Variants in COL4A2 observed in about 807,000 individuals in gnomAD.
The protein encoded by COL4A2 is collagen type IV alpha 2 chain, also known as collagen alpha-2(IV) chain.
In COL4A2, 99 loss-of-function variants were observed where a neutral mutation model predicts 200.2. The ratio of observed to expected loss-of-function variants is 0.49; its 90% CI spans 0.42 to 0.58. The LOEUF is 0.58. Among genes scored for constraint, COL4A2 ranks in the 20% least tolerant of loss-of-function variants. The pLI is 0.00. For synonymous variants in COL4A2, 897 were observed against 900.6 expected (o/e 1.00, Z 0.07); for missense variants, 1,950 against 2,314.1 (o/e 0.84, Z 3.23).
At chr13:110,455,677 A>G (rs1273555592) in intron 20 of COL4A2, among the ~76,000 whole-genome samples, 1 of 152,228 alleles carries the variant, frequency 6.6e-6, no homozygotes, top group Non-Finnish European at 1.5e-5. Context: ...GAGCGAATGA[A>G]TGAATGAGCT....
chr13:110,462,230 T>C, intron 23 of COL4A2, 44 bp downstream of exon 23: 2 of 1,614,256 alleles, frequency 1.2e-6, no homozygotes, highest in Non-Finnish European at 1.7e-6. Context: ...CACTGAGCCT[T>C]CCTGTGGGCA....
At chr13:110,468,377 G>T (rs1169844150) in intron 27 of COL4A2, 3 of 468,110 alleles carry the variant, frequency 6.4e-6, no homozygotes, top group Non-Finnish European at 1.3e-5. Flanking sequence ...CCAAAATGGT[G>T]ACAACTCTGC....
intron 3 of COL4A2, among the ~76,000 whole-genome samples, chr13:110,330,735 C>T (rs1875869115): frequency 6.6e-6 from 1 of 152,022 alleles, no homozygotes; most frequent in African/African-American, 2.4e-5. Flanking sequence ...TGACTTGGGC[C>T]TTCTCCTTTA....
chr13:110,411,215 C>CA (rs1051321337), intron 4 of COL4A2, among the ~76,000 whole-genome samples: 1 of 152,202 alleles, frequency 6.6e-6, no homozygotes, highest in Non-Finnish European at 1.5e-5. Context: ...CCCTGGAACA[C>CA]AAAGCTCGTC....
intron 17 of COL4A2, among the ~76,000 whole-genome samples, chr13:110,446,264 G>T (rs1881318969): frequency 6.6e-6 from 1 of 152,214 alleles, no homozygotes; most frequent in Non-Finnish European, 1.5e-5. Flanking sequence ...TGGAAGACCA[G>T]GTGGGTGCTG....
In COL4A2 at chr13:110,456,861, C is replaced by T. The variant is rs189476385; in HGVS notation, c.1340-482C>T. On this transcript the variant is annotated intron_variant, in intron 20 of 47. Transcript: ENST00000360467. ...AGGCGTCCGTGGGGCTGATGCCCTG[C>T]GTCTGCGTGGGACCCCAGGCGTCCG... 2.5e-4 allele frequency: 115 copies of T among 468,958 alleles called. No individual in the cohort carries two copies. In the East Asian group the frequency reaches 7.3e-3, roughly 30 times the overall value. The allele number at this position is 468,958 out of a possible 1,614,324, so 29.0% of individuals were successfully genotyped here. A position where few individuals can be genotyped will look rare whatever the true frequency, so the allele number is the denominator to read the frequency against.
chr13:110,468,274 G>A (rs1347118566), intron 27 of COL4A2: 1 of 471,698 alleles, frequency 2.1e-6, no homozygotes, highest in Non-Finnish European at 4.4e-6. Context: ...GTTGTCTTCT[G>A]AGAACTGAGC....
chr13:110,381,049 C>T (rs1352289394), intron 4 of COL4A2, among the ~76,000 whole-genome samples: 3 of 147,866 alleles, frequency 2.0e-5, no homozygotes, highest in Non-Finnish European at 4.5e-5. Context: ...CACCTACGGG[C>T]TCTGTCTCAC....
intron 29 of COL4A2, among the ~76,000 whole-genome samples, chr13:110,477,395 T>C (rs1228714810): frequency 6.6e-6 from 1 of 152,266 alleles, no homozygotes; most frequent in East Asian, 1.9e-4. Context: ...ATAAATGGGT[T>C]TAGACTTTCT....
At chr13:110,491,017 T>TAC (rs1883268164) in intron 36 of COL4A2, among the ~76,000 whole-genome samples, 2 of 151,936 alleles carry the variant, frequency 1.3e-5, no homozygotes, top group Non-Finnish European at 2.9e-5. Flanking sequence ...CAGTGAGGGG[T>TAC]GCATGGGTAC....
chr13:110,464,257 C>T (rs1281573775), intron 24 of COL4A2, among the ~76,000 whole-genome samples: 2 of 152,146 alleles, frequency 1.3e-5, no homozygotes, highest in East Asian at 3.9e-4. Context: ...GGCAGGTGGT[C>T]GGAGCAGGGT....
At position 110,472,944 on chromosome 13, in the gene COL4A2, G is replaced by A. The variant is rs377148815; in HGVS notation, c.2219G>A (p.Arg740Gln). The A allele has an allele frequency of 6.5e-5, 101 of 1,557,102 alleles. 1 individual carries two copies. The South Asian group carries it at 6.9e-4, about 11-fold the overall frequency. Reference protein sequence around the residue: ...FPGPPGFIGPRGSKGAVGLPG... With the variant: ...FPGPPGFIGPQGSKGAVGLPG... ...TTCCTTTTAGGGTTCATAGGACCCC[G>A]AGGATCCAAAGGTGCAGTGGGCCTC... Residue 740 changes from arginine to glutamine, a missense_variant, in exon 29 of 48, where the codon CGA (arginine) becomes CAA (glutamine). By Grantham distance (43) the Arg-to-Gln change is conservative. Around this residue, in one of 2 missense-constraint regions of COL4A2, gnomAD observed 1,385 missense variants for 1,720.5 expected, o/e 0.80. Transcript: ENST00000360467.
intron 4 of COL4A2, among the ~76,000 whole-genome samples, chr13:110,410,249 G>T (rs374530883): frequency 9.2e-5 from 14 of 152,196 alleles, no homozygotes; most frequent in African/African-American, 2.9e-4. Context: ...CTGTCCCCTC[G>T]CAGGGCTTGC....
chr13:110,450,420 AC>A lies in COL4A2; in HGVS notation c.1311del (p.Leu439SerfsTer14). On this transcript the variant is annotated frameshift_variant, in exon 20 of 48. Transcript: ENST00000360467. LOFTEE classifies it high-confidence loss of function. ...CTGATGGAAAGCGAGGGCCTCCAGG[AC>A]CCCCCGGGCTCCCTGGACCACCTGG... is the stretch of plus-strand genomic sequence containing the variant. ...GPDGKRGPPG[P>X]PGLPGPPGPD... The A allele has an allele frequency of 1.9e-6, 3 of 1,613,584 alleles. No individual in the cohort carries two copies. The highest frequency in any genetic ancestry group is 2.5e-6 in the Non-Finnish European group (3 of 1,179,870).
chr13:110,401,493 A>C (rs1011854239), intron 4 of COL4A2, among the ~76,000 whole-genome samples: 9 of 152,332 alleles, frequency 5.9e-5, no homozygotes, highest in African/African-American at 1.9e-4. Flanking sequence ...AAAACAAACA[A>C]AACTTACTTT....
At chr13:110,403,531 C>A (rs1055590633) in intron 4 of COL4A2, among the ~76,000 whole-genome samples, 2 of 152,180 alleles carry the variant, frequency 1.3e-5, no homozygotes, top group East Asian at 3.9e-4. Flanking sequence ...ATCAGAATGG[C>A]CTTTCCTGTA....
intron 27 of COL4A2, chr13:110,468,298 G>T (rs753092664): frequency 2.1e-6 from 1 of 471,484 alleles, no homozygotes; most frequent in East Asian, 7.0e-5. Context: ...TATCTTCCGC[G>T]TTCCATTAGA....
intron 3 of COL4A2, among the ~76,000 whole-genome samples, chr13:110,335,771 G>A (rs901043300): frequency 3.1e-4 from 47 of 152,278 alleles, no homozygotes; most frequent in African/African-American, 1.1e-3. Context: ...AAAATTCTGG[G>A]ATCCAAAATT....
At position 110,485,674 on chromosome 13, in the gene COL4A2, C is replaced by T; in HGVS notation, c.3045C>T (p.Gly1015=). 1.9e-6 allele frequency: 3 copies of T among 1,601,872 alleles called. No individual in the cohort carries two copies. The highest frequency in any genetic ancestry group is 2.6e-6 in the Non-Finnish European group (3 of 1,175,024). ...CTGCAGGTATCCAAGGAATGCCAGG[C>T]ATCCCAGGGCTGTCAGGAATCCCTG... ...LGAKGIQGMP[G]IPGLSGIPGL... is the part of the protein sequence containing the mutation. Residue 1015 remains glycine (G), a synonymous_variant, in exon 34 of 48, where the codon GGC becomes GGT. Coordinates refer to ENST00000360467, the MANE Select transcript of COL4A2 (RefSeq NM_001846.4).
Sources: allele counts gnomAD v4.1 joint callset (sites outside exome capture counted in the v4.1 genomes callset), GRCh38; gene constraint gnomAD v4.1.1; regional missense constraint gnomAD v4.1.1; transcripts MANE v1.5; gene names NCBI Gene and HGNC (gene_info 2026-07-23, HGNC 2026-07-21).